The following LPP variants were observed in gnomAD, a reference collection of about 807,000 sequenced individuals.
LPP encodes LIM domain containing preferred translocation partner in lipoma.
A neutral mutation model predicts 60.4 loss-of-function variants in LPP; 38 were observed. The ratio of observed to expected loss-of-function variants is 0.63; its 90% CI spans 0.49 to 0.83. LPP has a LOEUF of 0.83. Among genes scored for constraint, LPP ranks in the 40% least tolerant of loss-of-function variants. The pLI is 0.00. For missense variants in LPP, 902 were observed against 783.6 expected, an observed-to-expected ratio of 1.15 and a Z score of -1.80; for synonymous variants, 328 against 290.8, an observed-to-expected ratio of 1.13 and a Z score of -1.30.
intron 9 of LPP, among the ~76,000 whole-genome samples, chr3:188,857,295 T>G (rs1377842058): frequency 2.0e-5 from 3 of 152,240 alleles, no homozygotes; most frequent in Non-Finnish European, 2.9e-5. Flanking sequence ...GCATTCTGAA[T>G]AATTGCCTTT....
chr3:188,811,351 T>TACACACACACAC (rs58445393), intron 9 of LPP, among the ~76,000 whole-genome samples: 132 of 144,982 alleles, frequency 9.1e-4, no homozygotes, highest in African/African-American at 3.1e-3. Flanking sequence ...AAGTGCTGTA[T>TACACACACACAC]ACACACACAC....
At chr3:188,348,437 C>T (rs778343907) in intron 3 of LPP, among the ~76,000 whole-genome samples, 2 of 152,140 alleles carry the variant, frequency 1.3e-5, no homozygotes, top group African/African-American at 2.4e-5. Context: ...CATGAGCCAC[C>T]GTGCGTGGCT....
In LPP at chr3:188,607,970, C is replaced by T. The variant is rs150050876; in HGVS notation, c.430-1191C>T. ...TTTTTCCATTAGTCATTTTCTAAGC[C>T]TCTTCAACATGTAAAGCTCTGTGAG... is the stretch of plus-strand genomic sequence containing the variant. On this transcript the variant is annotated intron_variant, in intron 6 of 11. Coordinates refer to ENST00000617246, the MANE Select transcript of LPP (RefSeq NM_001375462.1). Among the ~76,000 whole-genome samples, 242 of 152,174 alleles carry T rather than the reference C, an allele frequency of 1.6e-3. 1 individual carries two copies. Among genetic ancestry groups the T allele is most frequent in the African/African-American group, 5.6e-3 (233 of 41,528 alleles).
intron 2 of LPP, among the ~76,000 whole-genome samples, chr3:188,277,672 CTGG>C (rs1304726056): frequency 6.6e-6 from 1 of 152,182 alleles, no homozygotes; most frequent in Admixed American, 6.5e-5. Flanking sequence ...TGTTTATGAA[CTGG>C]TGGTCGAGGG....
chr3:188,591,631 G>A lies in LPP; in HGVS notation c.430-17530G>A, dbSNP rs183814414. Reference sequence around the variant, plus strand: ...CCTGGATTATTGCAGTAGCTTCCAGGCTGGCTTCCTTTATGCCCTTCATAA... The same window carrying A: ...CCTGGATTATTGCAGTAGCTTCCAGACTGGCTTCCTTTATGCCCTTCATAA... On this transcript the variant is annotated intron_variant, in intron 6 of 11. Coordinates refer to ENST00000617246, the MANE Select transcript of LPP (RefSeq NM_001375462.1). Among the ~76,000 whole-genome samples, 141 of 152,208 alleles carry A rather than the reference G, an allele frequency of 9.3e-4. 2 individuals are homozygous for A. Among genetic ancestry groups the A allele is most frequent in the African/African-American group, 3.3e-3 (136 of 41,530 alleles).
intron 4 of LPP, among the ~76,000 whole-genome samples, chr3:188,464,003 C>T (rs1799760658): frequency 6.6e-6 from 1 of 152,066 alleles, no homozygotes; most frequent in South Asian, 2.1e-4. Flanking sequence ...ATTTGTAAGT[C>T]GACTCAATAC....
intron 2 of LPP, among the ~76,000 whole-genome samples, chr3:188,228,627 A>G (rs1340126898): frequency 3.9e-5 from 6 of 152,212 alleles, no homozygotes; most frequent in Non-Finnish European, 7.3e-5. Context: ...CTACAACTAA[A>G]CAAACAAAAT....
intron 1 of LPP, among the ~76,000 whole-genome samples, chr3:188,191,027 C>T (rs991086346): frequency 1.3e-5 from 2 of 152,146 alleles, no homozygotes; most frequent in Admixed American, 6.5e-5. Context: ...GTCAGAGATT[C>T]GAGACCAGCC....
intron 2 of LPP, among the ~76,000 whole-genome samples, chr3:188,244,159 C>T (rs567366349): frequency 6.6e-6 from 1 of 152,362 alleles, no homozygotes; most frequent in African/African-American, 2.4e-5. Flanking sequence ...AAGTGAGCCA[C>T]TGCGCCCAGC....
At chr3:188,378,615 C>T (rs1044811117) in intron 3 of LPP, among the ~76,000 whole-genome samples, 1 of 152,122 alleles carries the variant, frequency 6.6e-6, no homozygotes, top group Non-Finnish European at 1.5e-5. Context: ...GTCTGTCATC[C>T]CTTTCTTTGA....
At chr3:188,727,244 G>A (rs2149980601) in intron 8 of LPP, among the ~76,000 whole-genome samples, 2 of 152,246 alleles carry the variant, frequency 1.3e-5, no homozygotes, top group South Asian at 4.1e-4. Context: ...AGGGGGTTTT[G>A]GAGGATTAAA....
chr3:188,536,002 A>ATTTTT (rs11293389), intron 6 of LPP, among the ~76,000 whole-genome samples: 11 of 121,752 alleles, frequency 9.0e-5, no homozygotes, highest in Non-Finnish European at 1.5e-4. Flanking sequence ...TATTACATGA[A>ATTTTT]TTTTTTTTTT....
chr3:188,322,175 A>C (rs1757143418), intron 2 of LPP, among the ~76,000 whole-genome samples: 1 of 152,154 alleles, frequency 6.6e-6, no homozygotes, highest in African/African-American at 2.4e-5. Context: ...CATTTAATCT[A>C]TGGAGGTTGT....
At position 188,249,913 on chromosome 3, in the gene LPP, T is replaced by C. The variant is rs573607558; in HGVS notation, c.-67+24386T>C. Among the ~76,000 whole-genome samples the C allele has an allele frequency of 1.8e-3, 256 of 141,722 alleles. 1 individual carries two copies. The highest frequency in any genetic ancestry group is 6.5e-3 in the African/African-American group (244 of 37,284). The allele number at this position is 141,722 out of a possible 152,430, so 93.0% of individuals were successfully genotyped here. On this transcript the variant is annotated intron_variant, in intron 2 of 11. Transcript: ENST00000617246. ...TATATATATATATATTTTTTTTTTTTCCAGAAGTATTTCAGAGTAGGTCAC... is the reference window on the plus strand; with the variant it reads ...TATATATATATATATTTTTTTTTTTCCCAGAAGTATTTCAGAGTAGGTCAC...
intron 9 of LPP, among the ~76,000 whole-genome samples, chr3:188,838,986 A>G (rs1408538446): frequency 6.6e-6 from 1 of 152,172 alleles, no homozygotes; most frequent in Non-Finnish European, 1.5e-5. Flanking sequence ...TATGTAACAA[A>G]CCTGTACATT....
chr3:188,506,709 C>T (rs1220457275), intron 5 of LPP, among the ~76,000 whole-genome samples: 1 of 152,224 alleles, frequency 6.6e-6, no homozygotes, highest in Admixed American at 6.5e-5. Flanking sequence ...TCTGCTCTTT[C>T]CATTACCTTC....
chr3:188,333,090 TA>T (rs1376768950), intron 2 of LPP, among the ~76,000 whole-genome samples: 4 of 152,214 alleles, frequency 2.6e-5, no homozygotes, highest in Non-Finnish European at 4.4e-5. Context: ...TGTAAGTACA[TA>T]AAAATAATCT....
At chr3:188,188,196 C>T (rs1727149361) in intron 1 of LPP, among the ~76,000 whole-genome samples, 2 of 152,152 alleles carry the variant, frequency 1.3e-5, no homozygotes, top group African/African-American at 4.8e-5. Context: ...CAGTTGACTA[C>T]AATGGTGCTA....
At chr3:188,590,016 C>T (rs1197907272) in intron 6 of LPP, among the ~76,000 whole-genome samples, 6 of 152,206 alleles carry the variant, frequency 3.9e-5, no homozygotes, top group Non-Finnish European at 8.8e-5. Context: ...CTGCACAGCA[C>T]TCTTTCGTAT....
Sources: gnomAD v4.1 joint callset for allele counts (sites outside exome capture counted in the v4.1 genomes callset) on GRCh38, gnomAD v4.1.1 for gene constraint, MANE v1.5 for transcripts, NCBI Gene and HGNC (gene_info 2026-07-23, HGNC 2026-07-21) for gene names.